The following GALNT17 variants were observed in gnomAD, a reference collection of about 807,000 sequenced individuals.
GALNT17 encodes the protein polypeptide N-acetylgalactosaminyltransferase 17.
Under a neutral mutation model 63.7 loss-of-function variants are expected in GALNT17, and 29 were observed. The ratio of observed to expected loss-of-function variants is 0.46; its 90% confidence interval spans 0.34 to 0.62. GALNT17 has a LOEUF of 0.62. Among genes scored for constraint, GALNT17 ranks in the 20% least tolerant of loss-of-function variants. GALNT17 has a pLI of 0.01. For missense variants in GALNT17, 603 were observed against 799.6 expected (o/e 0.75, Z 2.97); for synonymous variants, 305 against 318.3 (o/e 0.96, Z 0.45).
intron 1 of GALNT17, among the ~76,000 whole-genome samples, chr7:71,135,355 A>G (rs1202540869): frequency 6.6e-6 from 1 of 152,196 alleles, no homozygotes; most frequent in Non-Finnish European, 1.5e-5. Context: ...GAGAAATGAG[A>G]AAACTAGGTG....
At chr7:71,481,888 G>A (rs1186294001) in intron 5 of GALNT17, among the ~76,000 whole-genome samples, 1 of 152,064 alleles carries the variant, frequency 6.6e-6, no homozygotes, top group Non-Finnish European at 1.5e-5. Context: ...GGTTATAGCC[G>A]TCATTTCCCC....
intron 1 of GALNT17, among the ~76,000 whole-genome samples, chr7:71,156,550 A>C (rs1326251068): frequency 6.7e-6 from 1 of 149,908 alleles, no homozygotes; most frequent in African/African-American, 2.5e-5. Flanking sequence ...GGCTGTTGTG[A>C]CAATTAAATT....
chr7:71,708,831 A>G (rs1039488115), intron 9 of GALNT17, among the ~76,000 whole-genome samples: 2 of 152,150 alleles, frequency 1.3e-5, no homozygotes, highest in Non-Finnish European at 2.9e-5. Flanking sequence ...CTGATTCTGC[A>G]TTAATTCTCT....
At chr7:71,153,785 C>T (rs1416722019) in intron 1 of GALNT17, among the ~76,000 whole-genome samples, 6 of 151,894 alleles carry the variant, frequency 4.0e-5, no homozygotes, top group African/African-American at 7.3e-5. Context: ...GTCGTGGTGG[C>T]GGGCGCCTGT....
chr7:71,473,871 A>G (rs1787681857), intron 5 of GALNT17, among the ~76,000 whole-genome samples: 1 of 152,190 alleles, frequency 6.6e-6, no homozygotes, highest in Non-Finnish European at 1.5e-5. Context: ...GGGTTCTTGG[A>G]TCTCACAAAA....
At chr7:71,210,694 A>G (rs973479881) in intron 1 of GALNT17, among the ~76,000 whole-genome samples, 1 of 152,146 alleles carries the variant, frequency 6.6e-6, no homozygotes, top group Non-Finnish European at 1.5e-5. Context: ...TTGGGTTTGA[A>G]TCTCACTCCA....
intron 5 of GALNT17, among the ~76,000 whole-genome samples, chr7:71,513,804 G>A (rs1019935922): frequency 6.6e-6 from 1 of 152,120 alleles, no homozygotes; most frequent in South Asian, 2.1e-4. Context: ...CTGTATCCTG[G>A]GACTGTGGGT....
intron 1 of GALNT17, among the ~76,000 whole-genome samples, chr7:71,151,486 T>C (rs1788131395): frequency 6.6e-6 from 1 of 151,970 alleles, no homozygotes; most frequent in East Asian, 1.9e-4. Context: ...TCAGGCGTGG[T>C]GGCAGGTGCC....
intron 1 of GALNT17, among the ~76,000 whole-genome samples, chr7:71,329,994 T>C (rs1435731237): frequency 2.3e-4 from 5 of 21,552 alleles, no homozygotes; most frequent in African/African-American, 5.2e-4. Context: ...TGTATATATA[T>C]ACATATATGT....
chr7:71,600,151 G>C (rs1192635590), intron 6 of GALNT17, among the ~76,000 whole-genome samples: 1 of 151,682 alleles, frequency 6.6e-6, no homozygotes, highest in Non-Finnish European at 1.5e-5. Flanking sequence ...AGATGTTATA[G>C]TGGTTTGTAG....
intron 5 of GALNT17, among the ~76,000 whole-genome samples, chr7:71,514,940 G>C (rs563886384): frequency 6.6e-6 from 1 of 152,150 alleles, no homozygotes; most frequent in African/African-American, 2.4e-5. Context: ...CTCCCATACT[G>C]TTCTTGTGAT....
At chr7:71,367,117 T>C (rs1792526832) in intron 2 of GALNT17, among the ~76,000 whole-genome samples, 1 of 152,222 alleles carries the variant, frequency 6.6e-6, no homozygotes, top group Admixed American at 6.5e-5. Context: ...GCAATACCTT[T>C]GATCAATAAA....
intron 1 of GALNT17, among the ~76,000 whole-genome samples, chr7:71,239,303 C>T (rs1009064483): frequency 6.6e-6 from 1 of 150,804 alleles, no homozygotes; most frequent in African/African-American, 2.4e-5. Context: ...GTACCCCCCC[C>T]CAAAAAAAAA....
chr7:71,319,100 T>A (rs73179798), intron 1 of GALNT17, among the ~76,000 whole-genome samples: 250 of 105,674 alleles, frequency 2.4e-3, no homozygotes, highest in East Asian at 0.015. Context: ...TTGTTTATCT[T>A]TCTTTCTTTC....
intron 5 of GALNT17, among the ~76,000 whole-genome samples, chr7:71,550,856 C>A (rs375226427): frequency 4.3e-4 from 66 of 151,942 alleles, no homozygotes; most frequent in African/African-American, 1.4e-3. Context: ...TTTTTTAAAT[C>A]TCTGATTTTT....
At chr7:71,642,818 G>A (rs997527189) in intron 6 of GALNT17, among the ~76,000 whole-genome samples, 4 of 150,670 alleles carry the variant, frequency 2.7e-5, no homozygotes, top group African/African-American at 9.8e-5. Context: ...CTGGGCAATG[G>A]AGTGAGACTC....
intron 5 of GALNT17, among the ~76,000 whole-genome samples, chr7:71,451,137 G>A (rs1339916347): frequency 6.6e-6 from 1 of 151,996 alleles, no homozygotes; most frequent in African/African-American, 2.4e-5. Flanking sequence ...GTGTCCAAGT[G>A]TTCTCATTGT....
intron 6 of GALNT17, among the ~76,000 whole-genome samples, chr7:71,650,702 T>G (rs1158742589): frequency 6.6e-6 from 1 of 152,210 alleles, no homozygotes; most frequent in East Asian, 1.9e-4. Context: ...TACCAACTCC[T>G]TTAATCCCAG....
intron 1 of GALNT17, among the ~76,000 whole-genome samples, chr7:71,309,569 A>G (rs1418513162): frequency 3.3e-5 from 5 of 152,110 alleles, no homozygotes; most frequent in Non-Finnish European, 7.4e-5. Flanking sequence ...TTGTCCCCCA[A>G]GCTATCCTTT....
Sources: gnomAD v4.1 joint callset for allele counts (sites outside exome capture counted in the v4.1 genomes callset) on GRCh38, gnomAD v4.1.1 for gene constraint, MANE v1.5 for transcripts, NCBI Gene and HGNC (gene_info 2026-07-23, HGNC 2026-07-21) for gene names.